The following HS3ST3A1 variants were observed in gnomAD, a reference collection of about 807,000 sequenced individuals.
The protein encoded by HS3ST3A1 is heparan sulfate glucosamine 3-O-sulfotransferase 3A1.
In HS3ST3A1, 19 loss-of-function variants were observed where a neutral mutation model predicts 25.7. That is an observed-to-expected ratio of 0.74 (90% CI 0.52 to 1.08). The LOEUF is 1.08. Ranked by LOEUF, HS3ST3A1 falls within the 50% of genes least tolerant of loss-of-function variation. HS3ST3A1 has a pLI of 0.00. For synonymous variants in HS3ST3A1, 226 were observed against 278.6 expected, an observed-to-expected ratio of 0.81 and a Z score of 1.88; for missense variants, 459 against 594.3, an observed-to-expected ratio of 0.77 and a Z score of 2.37.
chr17:13,494,263 A>G lies in HS3ST3A1; in HGVS notation c.*1934T>C, dbSNP rs1490514508. On this transcript the variant is annotated 3_prime_UTR_variant, in exon 2 of 2. Coordinates refer to ENST00000284110, the MANE Select transcript of HS3ST3A1 (RefSeq NM_006042.3). ...AATAAAAACAGTCTGTGGCACTGGG[A>G]AATTGAGAGCATAGACATGAAGGAA... is the stretch of plus-strand genomic sequence containing the variant. 6.6e-6 allele frequency among the ~76,000 whole-genome samples: 1 copy of G among 152,194 alleles called. No homozygotes were observed. The highest frequency in any genetic ancestry group is 1.5e-5 in the Non-Finnish European group (1 of 68,022).
At chr17:13,531,031 A>G in intron 1 of HS3ST3A1, among the ~76,000 whole-genome samples, 1 of 152,176 alleles carries the variant, frequency 6.6e-6, no homozygotes, top group East Asian at 1.9e-4. Flanking sequence ...TCAAGCAACT[A>G]TTCCTGAGGT....
At chr17:13,548,641 G>T (rs935474278) in intron 1 of HS3ST3A1, among the ~76,000 whole-genome samples, 4 of 152,298 alleles carry the variant, frequency 2.6e-5, no homozygotes, top group African/African-American at 7.2e-5. Context: ...TCTGGGTCGG[G>T]CGGGGACTTG....
intron 1 of HS3ST3A1, among the ~76,000 whole-genome samples, chr17:13,547,508 C>A (rs944960169): frequency 1.3e-5 from 2 of 152,090 alleles, no homozygotes; most frequent in Admixed American, 6.6e-5. Flanking sequence ...CCATAAAAGC[C>A]CCTAAACAAC....
intron 1 of HS3ST3A1, among the ~76,000 whole-genome samples, chr17:13,507,730 C>T: frequency 6.6e-6 from 1 of 152,120 alleles, no homozygotes. Context: ...TTTTTTAAGT[C>T]TATACAGCCA....
chr17:13,535,357 C>T (rs954860177), intron 1 of HS3ST3A1, among the ~76,000 whole-genome samples: 15 of 152,220 alleles, frequency 9.9e-5, no homozygotes, highest in African/African-American at 2.4e-4. Context: ...ACTTAGGGGC[C>T]GTTTTAAACA....
intron 1 of HS3ST3A1, among the ~76,000 whole-genome samples, chr17:13,504,998 A>G (rs1905611937): frequency 6.6e-6 from 1 of 152,222 alleles, no homozygotes; most frequent in African/African-American, 2.4e-5. Flanking sequence ...CGACTTTCTC[A>G]GCTAATCTTT....
At chr17:13,507,060 C>A (rs1905704941) in intron 1 of HS3ST3A1, among the ~76,000 whole-genome samples, 1 of 143,802 alleles carries the variant, frequency 7.0e-6, no homozygotes, top group Non-Finnish European at 1.5e-5. Flanking sequence ...CAAAGCTAGA[C>A]TCCGTCTCCA....
rs573531089 is a variant in HS3ST3A1 at position 13,590,339 on chromosome 17, A to C, written c.599+10192T>G. On this transcript the variant is annotated intron_variant, in intron 1 of 1. Coordinates refer to ENST00000284110, the MANE Select transcript of HS3ST3A1 (RefSeq NM_006042.3). ...GCTCTGTGAGGTTAAAAAAAAAAAA[A>C]AAAACTATGCTACGACTGGTTCCAT... Among the ~76,000 whole-genome samples, 424 of 152,112 alleles carry C rather than the reference A, an allele frequency of 2.8e-3. 3 individuals are homozygous for C. The highest frequency in any genetic ancestry group is 9.6e-3 in the African/African-American group (397 of 41,490).
rs1031690520 is a variant in HS3ST3A1, at chr17:13,522,322, G to A, written c.600-25504C>T. On this transcript the variant is annotated intron_variant, in intron 1 of 1. Coordinates refer to ENST00000284110, the MANE Select transcript of HS3ST3A1 (RefSeq NM_006042.3). The stretch of plus-strand genomic sequence containing the variant: ...TGCTATTACTAAGAGATGGGTTATA[G>A]TCTCCCACTTAGAAATCTCTATTTC... Among the ~76,000 whole-genome samples, 11 of 151,260 alleles carry A rather than the reference G, an allele frequency of 7.3e-5. No individual in the cohort carries two copies. The South Asian group carries it at 1.2e-3, about 17-fold the overall frequency.
intron 1 of HS3ST3A1, among the ~76,000 whole-genome samples, chr17:13,569,240 C>T (rs1907745283): frequency 6.6e-6 from 1 of 152,152 alleles, no homozygotes; most frequent in South Asian, 2.1e-4. Flanking sequence ...GCAGGATTTC[C>T]TTACTTTGAA....
chr17:13,517,736 C>G (rs1906101395), intron 1 of HS3ST3A1, among the ~76,000 whole-genome samples: 1 of 152,122 alleles, frequency 6.6e-6, no homozygotes, highest in Non-Finnish European at 1.5e-5. Flanking sequence ...ACTACAACCT[C>G]CGCCTCCCAG....
intron 1 of HS3ST3A1, among the ~76,000 whole-genome samples, chr17:13,504,546 G>A (rs888137565): frequency 2.0e-5 from 3 of 152,260 alleles, no homozygotes; most frequent in Admixed American, 6.5e-5. Context: ...TTCATGACCC[G>A]GGTGCTGGCT....
At chr17:13,600,481 G>C (rs941664740) in intron 1 of HS3ST3A1, 50 bp downstream of exon 1, 1 of 1,517,922 alleles carries the variant, frequency 6.6e-7, no homozygotes, top group Admixed American at 2.0e-5. Context: ...GTCTTTCCCA[G>C]CCCAGGACCC....
At chr17:13,516,611 C>A (rs1216741121) in intron 1 of HS3ST3A1, among the ~76,000 whole-genome samples, 1 of 152,144 alleles carries the variant, frequency 6.6e-6, no homozygotes. Flanking sequence ...GAGATTATTT[C>A]AACATACTTT....
intron 1 of HS3ST3A1, among the ~76,000 whole-genome samples, chr17:13,597,605 C>T (rs1908612159): frequency 1.3e-5 from 2 of 152,048 alleles, no homozygotes; most frequent in South Asian, 4.1e-4. Flanking sequence ...TCGAGTTTCT[C>T]AGCATATAAA....
chr17:13,570,041 A>G (rs151267545), intron 1 of HS3ST3A1, among the ~76,000 whole-genome samples: 31 of 152,222 alleles, frequency 2.0e-4, no homozygotes, highest in African/African-American at 7.2e-4. Context: ...TAGCTGGTTA[A>G]CAAACAGTTA....
chr17:13,533,084 T>C (rs1005664775), intron 1 of HS3ST3A1, among the ~76,000 whole-genome samples: 16 of 152,208 alleles, frequency 1.1e-4, no homozygotes, highest in Non-Finnish European at 2.2e-4. Context: ...ATAGTGTTGC[T>C]GTAAGAATTA....
chr17:13,554,663 G>A (rs1345681719), intron 1 of HS3ST3A1, among the ~76,000 whole-genome samples: 1 of 152,162 alleles, frequency 6.6e-6, no homozygotes, highest in Non-Finnish European at 1.5e-5. Context: ...AATCTAGTTC[G>A]AAGCATGCTC....
chr17:13,516,970 G>A (rs1244993355), intron 1 of HS3ST3A1, among the ~76,000 whole-genome samples: 1 of 152,046 alleles, frequency 6.6e-6, no homozygotes, highest in African/African-American at 2.4e-5. Flanking sequence ...ACAGGCGTGA[G>A]CCACTGTGCC....
Sources: allele counts gnomAD v4.1 joint callset (sites outside exome capture counted in the v4.1 genomes callset), GRCh38; gene constraint gnomAD v4.1.1; transcripts MANE v1.5; gene names NCBI Gene and HGNC (gene_info 2026-07-23, HGNC 2026-07-21).